PPP2R2B: variants seen among roughly 807,000 people sequenced by gnomAD.
The protein encoded by PPP2R2B is serine/threonine-protein phosphatase 2A 55 kDa regulatory subunit B beta isoform.
In PPP2R2B, 5 loss-of-function variants were observed where a neutral mutation model predicts 46.0. The ratio of observed to expected loss-of-function variants is 0.11; its 90% CI spans 0.06 to 0.23. The LOEUF (loss-of-function observed/expected upper bound fraction) is 0.23. Ranked by LOEUF, PPP2R2B falls within the 10% of genes least tolerant of loss-of-function variation. The pLI is 1.00. For synonymous variants in PPP2R2B, 215 were observed against 206.7 expected (o/e 1.04, Z -0.34); for missense variants, 367 against 575.0 (o/e 0.64, Z 3.70).
chr5:146,888,938 G>A (rs319195), intron 1 of PPP2R2B, among the ~76,000 whole-genome samples: 65,957 of 151,962 alleles, frequency 0.43, 15,059 homozygotes, highest in East Asian at 0.69. Flanking sequence ...ATCTCTGCCC[G>A]TCACTCTCTA....
chr5:146,825,690 T>G (rs902344183), intron 2 of PPP2R2B, among the ~76,000 whole-genome samples: 13 of 152,228 alleles, frequency 8.5e-5, no homozygotes, highest in Non-Finnish European at 1.5e-4. Flanking sequence ...CTCAGTTTCT[T>G]TAACTGTAAA....
Position 146,585,468 on chromosome 5 carries a change from T to C in PPP2R2B, c.*4479A>G, listed in dbSNP as rs1192583527. 2 of 152,216 alleles carry C rather than the reference T, an allele frequency of 1.3e-5. No homozygotes were observed. Among genetic ancestry groups the C allele is most frequent in the African/African-American group, 4.8e-5 (2 of 41,456 alleles). The allele number at this position is 152,216 out of a possible 1,614,324, so 9.4% of individuals were successfully genotyped here. ...TTTTAGGGGTAAATAAGTCAATACA[T>C]GTGAAATTTGTAGAACAAAGCCTGG... On this transcript the variant is annotated 3_prime_UTR_variant, in exon 10 of 10. Transcript: ENST00000394411.
chr5:146,920,929 G>T, intron 1 of PPP2R2B, among the ~76,000 whole-genome samples: 1 of 152,134 alleles, frequency 6.6e-6, no homozygotes, highest in Non-Finnish European at 1.5e-5. Flanking sequence ...AACCTCTTTG[G>T]AGAGAATTAA....
chr5:147,053,182 G>A (rs537194770), intron 1 of PPP2R2B, among the ~76,000 whole-genome samples: 49 of 150,800 alleles, frequency 3.2e-4, no homozygotes, highest in Non-Finnish European at 6.6e-4. Flanking sequence ...ATGTAACAGA[G>A]CTAAGATTCA....
chr5:146,621,184 GTACTGGTTTTC>G (rs936581594), intron 7 of PPP2R2B, among the ~76,000 whole-genome samples: 12 of 152,218 alleles, frequency 7.9e-5, no homozygotes. Flanking sequence ...TGTGTTCCCA[GTACTGGTTTTC>G]TACAGGAAAA....
chr5:146,978,850 T>C (rs1753035378), intron 1 of PPP2R2B, among the ~76,000 whole-genome samples: 1 of 152,164 alleles, frequency 6.6e-6, no homozygotes, highest in South Asian at 2.1e-4. Context: ...CTTGGTTATA[T>C]GGACTCTTTT....
At position 146,992,670 on chromosome 5, in the gene PPP2R2B, A is replaced by AG. The variant is rs1455110934; in HGVS notation, c.79+62994dup. 3.3e-5 allele frequency among the ~76,000 whole-genome samples: 5 copies of AG among 152,336 alleles called. No homozygotes were observed. The East Asian group carries it at 7.7e-4, about 24-fold the overall frequency. On this transcript the variant is annotated intron_variant, in intron 1 of 8. Transcript: ENST00000336640. ...GTGGTTTACACAGACACTTCAGGGC[A>AG]GGGGGCTCTCATTACAACATAGTTG...
chr5:146,903,095 G>A (rs1041329515), intron 1 of PPP2R2B, among the ~76,000 whole-genome samples: 4 of 152,132 alleles, frequency 2.6e-5, no homozygotes, highest in Non-Finnish European at 5.9e-5. Context: ...AGATGTTAAA[G>A]AGATTTATAA....
At chr5:146,623,385 A>G (rs1773832824) in intron 7 of PPP2R2B, among the ~76,000 whole-genome samples, 1 of 152,206 alleles carries the variant, frequency 6.6e-6, no homozygotes. Flanking sequence ...TATTAGAAAC[A>G]TTTCATAATT....
At chr5:146,885,027 A>G (rs79004358) in intron 1 of PPP2R2B, among the ~76,000 whole-genome samples, 3,320 of 152,286 alleles carry the variant, frequency 0.022, 131 homozygotes, top group African/African-American at 0.074. Context: ...AAACAACCCA[A>G]ATGCCCAACA....
At chr5:146,667,585 C>A (rs1313967258) in intron 5 of PPP2R2B, among the ~76,000 whole-genome samples, 12 of 150,150 alleles carry the variant, frequency 8.0e-5, no homozygotes, top group African/African-American at 2.7e-4. Context: ...AAAAAAAAAA[C>A]CCAAAAGGAT....
At chr5:146,728,668 T>C (rs1752034093) in intron 2 of PPP2R2B, among the ~76,000 whole-genome samples, 1 of 152,206 alleles carries the variant, frequency 6.6e-6, no homozygotes, top group South Asian at 2.1e-4. Flanking sequence ...GGGGAGTTAA[T>C]TGAATCACGG....
At chr5:146,991,608 G>A (rs544673850) in intron 1 of PPP2R2B, among the ~76,000 whole-genome samples, 1 of 152,234 alleles carries the variant, frequency 6.6e-6, no homozygotes, top group South Asian at 2.1e-4. Flanking sequence ...AATGAAAAAT[G>A]TTTAAAGTAA....
chr5:146,690,327 C>T (rs1421429966), intron 5 of PPP2R2B, among the ~76,000 whole-genome samples: 1 of 152,182 alleles, frequency 6.6e-6, no homozygotes, highest in Non-Finnish European at 1.5e-5. Flanking sequence ...TTGAGAAATC[C>T]GTTTTTAATG....
chr5:146,920,304 G>A (rs1334181058), intron 1 of PPP2R2B, among the ~76,000 whole-genome samples: 1 of 152,128 alleles, frequency 6.6e-6, no homozygotes, highest in Non-Finnish European at 1.5e-5. Context: ...ACCCTGCCTG[G>A]CACAGGCTGT....
intron 9 of PPP2R2B, chr5:146,592,236 C>A: frequency 2.6e-6 from 1 of 379,082 alleles, no homozygotes; most frequent in Non-Finnish European, 5.1e-6. Flanking sequence ...GCAAAGAAAG[C>A]CAAGAAACAG....
At chr5:146,799,920 A>G (rs1160836771) in intron 2 of PPP2R2B, among the ~76,000 whole-genome samples, 2 of 152,182 alleles carry the variant, frequency 1.3e-5, no homozygotes, top group East Asian at 3.9e-4. Context: ...CTAACGGCTG[A>G]TGTCTCCATG....
intron 1 of PPP2R2B, among the ~76,000 whole-genome samples, chr5:147,004,113 C>T (rs1310173558): frequency 6.6e-6 from 1 of 152,112 alleles, no homozygotes; most frequent in Non-Finnish European, 1.5e-5. Flanking sequence ...GACAAACAGA[C>T]CTTGGTGGTT....
intron 2 of PPP2R2B, among the ~76,000 whole-genome samples, chr5:146,847,555 G>T (rs1760081255): frequency 6.6e-6 from 1 of 152,144 alleles, no homozygotes; most frequent in Non-Finnish European, 1.5e-5. Flanking sequence ...TGGCCTCCAG[G>T]AACCCACCAC....
Sources: allele counts gnomAD v4.1 joint callset (sites outside exome capture counted in the v4.1 genomes callset), GRCh38; gene constraint gnomAD v4.1.1; transcripts MANE v1.5; gene names NCBI Gene and HGNC (gene_info 2026-07-23, HGNC 2026-07-21).